Variants in USP46 observed in about 807,000 individuals in gnomAD.
The protein encoded by USP46 is ubiquitin specific peptidase 46.
A neutral mutation model predicts 44.4 loss-of-function variants in USP46; 12 were observed. The ratio of observed to expected loss-of-function variants is 0.27; its 90% CI spans 0.17 to 0.44. The LOEUF is 0.44. Among genes scored for constraint, USP46 ranks in the 20% least tolerant of loss-of-function variants. The pLI is 1.00. For missense variants in USP46, 248 were observed against 444.8 expected (o/e 0.56, Z 3.98); for synonymous variants, 155 against 161.5 (o/e 0.96, Z 0.31).
intron 2 of USP46, among the ~76,000 whole-genome samples, chr4:52,629,460 G>A (rs1029717767): frequency 3.3e-5 from 5 of 152,014 alleles, no homozygotes; most frequent in African/African-American, 1.2e-4. Flanking sequence ...CTTAGCCAGG[G>A]CAGAATCCCC....
At chr4:52,630,480 T>G (rs542881390) in intron 2 of USP46, among the ~76,000 whole-genome samples, 5 of 152,280 alleles carry the variant, frequency 3.3e-5, no homozygotes, top group African/African-American at 1.2e-4. Context: ...TCGGGCCTGG[T>G]GCAGTGGCTC....
intron 4 of USP46, among the ~76,000 whole-genome samples, 200 bp from the exon 5 acceptor site, chr4:52,610,817 A>C (rs781498900): frequency 1.3e-5 from 2 of 152,148 alleles, no homozygotes; most frequent in Non-Finnish European, 2.9e-5. Context: ...ATTTAACCTC[A>C]TCCCCTTCCC....
At chr4:52,603,400 C>T (rs755825689) in intron 6 of USP46, among the ~76,000 whole-genome samples, 57 of 152,264 alleles carry the variant, frequency 3.7e-4, no homozygotes, top group African/African-American at 1.2e-3. Flanking sequence ...TTGGAGTGAA[C>T]GCCTGGGAAG....
intron 6 of USP46, among the ~76,000 whole-genome samples, chr4:52,603,018 A>C (rs1716537330): frequency 6.6e-6 from 1 of 152,220 alleles, no homozygotes; most frequent in South Asian, 2.1e-4. Context: ...GTTTGTGTAC[A>C]TTTTTAATGC....
rs535175581 is a variant in USP46 at position 52,654,211 on chromosome 4, T to G, written c.36+4904A>C. Reference sequence around the variant, plus strand: ...AATCCACCTCACCTCAGACTGTATTTTCTAATCCCAGCAACTATCAGAGTA... The same window carrying G: ...AATCCACCTCACCTCAGACTGTATTGTCTAATCCCAGCAACTATCAGAGTA... On this transcript the variant is annotated intron_variant, in intron 1 of 8. Coordinates refer to ENST00000441222, the MANE Select transcript of USP46 (RefSeq NM_022832.4). Among the ~76,000 whole-genome samples the G allele has an allele frequency of 2.0e-5, 3 of 152,340 alleles. No homozygotes were observed. The East Asian group carries it at 5.8e-4, about 29-fold the overall frequency.
At chr4:52,620,723 G>C (rs914740404) in intron 4 of USP46, among the ~76,000 whole-genome samples, 2 of 152,206 alleles carry the variant, frequency 1.3e-5, no homozygotes, top group African/African-American at 4.8e-5. Context: ...ACTTTCTAAT[G>C]ATGTTAATGA....
chr4:52,657,538 G>A (rs142832504), intron 1 of USP46, among the ~76,000 whole-genome samples: 1 of 152,188 alleles, frequency 6.6e-6, no homozygotes, highest in Non-Finnish European at 1.5e-5. Flanking sequence ...CCTTAGGCCT[G>A]CGGCCACACC....
chr4:52,636,912 C>T (rs554866114), intron 1 of USP46, among the ~76,000 whole-genome samples: 1 of 151,550 alleles, frequency 6.6e-6, no homozygotes, highest in Non-Finnish European at 1.5e-5. Context: ...CAGGCTCAAG[C>T]GATCCTCCCA....
intron 2 of USP46, 200 bp from the exon 3 acceptor site, chr4:52,628,363 A>T (rs1717678286): frequency 7.2e-6 from 4 of 556,784 alleles, no homozygotes; most frequent in Non-Finnish European, 1.3e-5. Context: ...ATGAAGAAAA[A>T]TGCACATCAT....
At chr4:52,640,629 T>C (rs9996974) in intron 1 of USP46, among the ~76,000 whole-genome samples, 27,202 of 151,412 alleles carry the variant, frequency 0.18, 3,022 homozygotes, top group African/African-American at 0.33. Flanking sequence ...GGAGAAACTC[T>C]GTCTCTACTT....
intron 4 of USP46, among the ~76,000 whole-genome samples, chr4:52,619,744 C>T (rs930269113): frequency 6.6e-6 from 1 of 152,172 alleles, no homozygotes; most frequent in Non-Finnish European, 1.5e-5. Context: ...TTCCCTGCCT[C>T]TGGACGGGGT....
chr4:52,626,265 G>A lies in USP46; in HGVS notation c.332-18C>T, dbSNP rs760360765. 1 of 1,590,852 alleles carries A rather than the reference G, an allele frequency of 6.3e-7. No individual in the cohort carries two copies. Among genetic ancestry groups the A allele is most frequent in the East Asian group, 2.2e-5 (1 of 44,698 alleles). Reference sequence around the variant, plus strand: ...AAAGAGATCTGGAAAGGAGAAGGTGGTTATTTCAGTCTCTGGTTCTTGAAA... The same window carrying A: ...AAAGAGATCTGGAAAGGAGAAGGTGATTATTTCAGTCTCTGGTTCTTGAAA... On this transcript the variant is annotated intron_variant, in intron 3 of 8. Transcript: ENST00000441222.
At chr4:52,645,869 C>G (rs1718533759) in intron 1 of USP46, among the ~76,000 whole-genome samples, 1 of 152,126 alleles carries the variant, frequency 6.6e-6, no homozygotes, top group Non-Finnish European at 1.5e-5. Context: ...TGAGTGAGTT[C>G]TCACAAGATC....
intron 1 of USP46, among the ~76,000 whole-genome samples, chr4:52,654,475 T>C (rs745783160): frequency 2.0e-5 from 3 of 152,242 alleles, no homozygotes; most frequent in Non-Finnish European, 2.9e-5. Context: ...ATACTCTAGT[T>C]TTGTTTCAAA....
At chr4:52,634,005 C>T (rs1718010493) in intron 1 of USP46, among the ~76,000 whole-genome samples, 1 of 152,222 alleles carries the variant, frequency 6.6e-6, no homozygotes, top group South Asian at 2.1e-4. Flanking sequence ...TCAGGTTAAG[C>T]TTGCTTGGAT....
chr4:52,633,017 A>AGAAG (rs1717976200), intron 1 of USP46, among the ~76,000 whole-genome samples: 1 of 148,432 alleles, frequency 6.7e-6, no homozygotes, highest in South Asian at 2.1e-4. Flanking sequence ...AAAGAAAGAA[A>AGAAG]GAAAGAAAGA....
At position 52,591,160 on chromosome 4, in the gene USP46, A is replaced by C. The variant is rs1282499480; in HGVS notation, c.*6480T>G. 6.6e-6 allele frequency: 1 copy of C among 152,162 alleles called. No homozygotes were observed. Among genetic ancestry groups the C allele is most frequent in the Non-Finnish European group, 1.5e-5 (1 of 68,046 alleles). 9.4% of individuals were successfully genotyped at this position (152,162 alleles called of 1,614,324 possible). A position where few individuals can be genotyped will look rare whatever the true frequency, so the allele number is the denominator to read the frequency against. The stretch of plus-strand genomic sequence containing the variant: ...GCAGGAGGTGTGAAGGCTCATTCTT[A>C]AAGTTTTCTCACGTTTATTTTCCAT... On this transcript the variant is annotated 3_prime_UTR_variant, in exon 9 of 9. Transcript: ENST00000441222.
At chr4:52,634,112 C>CT (rs1718016174) in intron 1 of USP46, among the ~76,000 whole-genome samples, 1 of 151,642 alleles carries the variant, frequency 6.6e-6, no homozygotes, top group South Asian at 2.1e-4. Context: ...ATTTTCGTGT[C>CT]TTTTTTCTTT....
intron 4 of USP46, among the ~76,000 whole-genome samples, chr4:52,615,258 A>G (rs1480347849): frequency 6.6e-6 from 1 of 152,088 alleles, no homozygotes; most frequent in Non-Finnish European, 1.5e-5. Context: ...TGTTTTTTTA[A>G]GGCAAGACCA....
Sources: allele counts gnomAD v4.1 joint callset (sites outside exome capture counted in the v4.1 genomes callset), GRCh38; gene constraint gnomAD v4.1.1; transcripts MANE v1.5; gene names NCBI Gene and HGNC (gene_info 2026-07-23, HGNC 2026-07-21).